DOCK2: variants seen among roughly 807,000 people sequenced by gnomAD.
The protein encoded by DOCK2 is dedicator of cytokinesis protein 2.
A neutral mutation model predicts 248.9 loss-of-function variants in DOCK2; 87 were observed. The ratio of observed to expected loss-of-function variants is 0.35; its 90% CI spans 0.29 to 0.42. The LOEUF (loss-of-function observed/expected upper bound fraction) is 0.42. DOCK2 is among the 10% of genes least tolerant of loss of function. The pLI is 1.00. For synonymous variants in DOCK2, 805 were observed against 821.6 expected (o/e 0.98, Z 0.35); for missense variants, 1,747 against 2,300.2 (o/e 0.76, Z 4.92).
chr5:169,666,410 C>A (rs1352188978), intron 2 of DOCK2, among the ~76,000 whole-genome samples: 1 of 152,132 alleles, frequency 6.6e-6, no homozygotes, highest in East Asian at 1.9e-4. Flanking sequence ...CTCATGAAAA[C>A]GGTTAGCAAA....
intron 15 of DOCK2, 45 bp from the exon 16 acceptor site, chr5:169,711,890 G>C (rs1230043457): frequency 1.9e-6 from 3 of 1,607,712 alleles, no homozygotes; most frequent in Non-Finnish European, 1.7e-6. Context: ...AGTGGGGAGG[G>C]CCCTTTAACT....
chr5:169,852,550 C>A (rs940451087), intron 27 of DOCK2, among the ~76,000 whole-genome samples: 90 of 152,200 alleles, frequency 5.9e-4, no homozygotes, highest in African/African-American at 1.9e-3. Context: ...CAGTGCAGAT[C>A]CCCATTTTGC....
At chr5:170,057,748 TA>T (rs995083612) in intron 44 of DOCK2, 82 bp downstream of exon 44, 2 of 1,241,274 alleles carry the variant, frequency 1.6e-6, no homozygotes, top group Non-Finnish European at 2.2e-6. Context: ...CCTTTGACTT[TA>T]AAAAGGAGAC....
intron 25 of DOCK2, among the ~76,000 whole-genome samples, chr5:169,782,028 A>T (rs1765742569): frequency 6.6e-6 from 1 of 152,090 alleles, no homozygotes; most frequent in Admixed American, 6.6e-5. Flanking sequence ...ATTACAATCC[A>T]GGTAACAGGA....
intron 23 of DOCK2, among the ~76,000 whole-genome samples, chr5:169,748,200 GA>G (rs769840951): frequency 6.6e-5 from 10 of 150,580 alleles, no homozygotes; most frequent in Non-Finnish European, 1.2e-4. Context: ...TATTCTTTTA[GA>G]TGCTAATTTA....
At chr5:169,900,395 A>G (rs959470921) in intron 27 of DOCK2, among the ~76,000 whole-genome samples, 2 of 152,178 alleles carry the variant, frequency 1.3e-5, no homozygotes, top group African/African-American at 4.8e-5. Flanking sequence ...GTGAAATGGA[A>G]GTTTTTCCTT....
At chr5:169,809,654 G>A (rs1248533415) in intron 26 of DOCK2, among the ~76,000 whole-genome samples, 1 of 151,298 alleles carries the variant, frequency 6.6e-6, no homozygotes, top group Non-Finnish European at 1.5e-5. Context: ...CAGGTGTAGA[G>A]CAGGTCTCAA....
At chr5:169,736,198 T>C (rs929921528) in intron 22 of DOCK2, among the ~76,000 whole-genome samples, 1 of 152,176 alleles carries the variant, frequency 6.6e-6, no homozygotes, top group South Asian at 2.1e-4. Context: ...TCTCCTAGAA[T>C]TGAGAGTCCA....
At chr5:169,775,873 T>C (rs1765355897) in intron 25 of DOCK2, among the ~76,000 whole-genome samples, 1 of 151,774 alleles carries the variant, frequency 6.6e-6, no homozygotes, top group African/African-American at 2.4e-5. Context: ...TCAGCAGCCC[T>C]TGGGATTCCT....
intron 29 of DOCK2, among the ~76,000 whole-genome samples, chr5:169,990,518 A>G (rs1421760112): frequency 6.6e-6 from 1 of 152,164 alleles, no homozygotes; most frequent in Non-Finnish European, 1.5e-5. Flanking sequence ...TATGCAGAAA[A>G]TGTTTCCGGG....
chr5:169,871,281 T>C (rs943191615), intron 27 of DOCK2, among the ~76,000 whole-genome samples: 4 of 152,208 alleles, frequency 2.6e-5, no homozygotes, highest in African/African-American at 4.8e-5. Flanking sequence ...GTTTTAGCCA[T>C]GGACCTAACT....
intron 23 of DOCK2, among the ~76,000 whole-genome samples, chr5:169,752,276 C>T (rs973197154): frequency 6.6e-6 from 1 of 152,178 alleles, no homozygotes; most frequent in Admixed American, 6.5e-5. Flanking sequence ...ATTAAATGAA[C>T]AGCTTGTATT....
At chr5:169,993,877 G>GTT (rs975711093) in intron 29 of DOCK2, among the ~76,000 whole-genome samples, 3 of 152,194 alleles carry the variant, frequency 2.0e-5, no homozygotes, top group Non-Finnish European at 4.4e-5. Context: ...TACAGCTAAG[G>GTT]TGTAAATAAC....
rs572177982 is a variant in DOCK2, at chr5:169,983,312, G to A, written c.2898+146G>A. ...TGTTGATGAATCACAGACATTTTGGGGTTTAAGAGCATGACTGTTAGAGTC... is the reference window on the plus strand; with the variant it reads ...TGTTGATGAATCACAGACATTTTGGAGTTTAAGAGCATGACTGTTAGAGTC... On this transcript the variant is annotated intron_variant, in intron 28 of 51. Transcript: ENST00000520908. 5.0e-4 allele frequency: 425 copies of A among 845,336 alleles called. 2 individuals carry two copies. The Middle Eastern group carries it at 6.4e-3, about 13-fold the overall frequency. 52.4% of individuals were successfully genotyped at this position (845,336 alleles called of 1,614,324 possible).
chr5:169,952,664 AC>A (rs1204621105), intron 27 of DOCK2, among the ~76,000 whole-genome samples: 1 of 152,142 alleles, frequency 6.6e-6, no homozygotes, highest in African/African-American at 2.4e-5. Context: ...ACAGCACCCC[AC>A]CTGCTTTTCC....
At chr5:169,978,975 A>G (rs1777838393) in intron 27 of DOCK2, among the ~76,000 whole-genome samples, 1 of 152,170 alleles carries the variant, frequency 6.6e-6, no homozygotes, top group South Asian at 2.1e-4. Context: ...CTGGAATTTA[A>G]TATGCAAGTC....
At chr5:169,891,859 G>T (rs1366874208) in intron 27 of DOCK2, among the ~76,000 whole-genome samples, 1 of 151,956 alleles carries the variant, frequency 6.6e-6, no homozygotes, top group Admixed American at 6.6e-5. Context: ...TCTGAGTGTG[G>T]TGGCAGGCAC....
chr5:169,754,037 A>G (rs751634282), intron 23 of DOCK2, among the ~76,000 whole-genome samples: 1 of 152,164 alleles, frequency 6.6e-6, no homozygotes, highest in South Asian at 2.1e-4. Context: ...ACTGTGTATC[A>G]TTTCAAGACA....
rs907324095 is a variant in DOCK2, at chr5:169,840,594, T to C, written c.2704-163T>C. On this transcript the variant is annotated intron_variant, in intron 26 of 51. Coordinates refer to ENST00000520908, the MANE Select transcript of DOCK2 (RefSeq NM_004946.3). ...GACGATGGAGATATGGCGATGATGA[T>C]GATGATGATGATGATGATGATGATG... Among the ~76,000 whole-genome samples the C allele has an allele frequency of 4.0e-5, 6 of 150,502 alleles. No individual in the cohort carries two copies. In the East Asian group the frequency reaches 1.0e-3, roughly 25 times the overall value.
Sources: allele counts gnomAD v4.1 joint callset (sites outside exome capture counted in the v4.1 genomes callset), GRCh38; gene constraint gnomAD v4.1.1; transcripts MANE v1.5; gene names NCBI Gene and HGNC (gene_info 2026-07-23, HGNC 2026-07-21).